The following UBAP2 variants were observed in gnomAD, a reference collection of about 807,000 sequenced individuals.
UBAP2 encodes the protein ubiquitin-associated protein 2.
UBAP2 carries 75 observed loss-of-function variants against 139.6 expected under a neutral mutation model. The ratio of observed to expected loss-of-function variants is 0.54; its 90% confidence interval spans 0.45 to 0.65. The LOEUF is 0.65. UBAP2 is among the 30% of genes least tolerant of loss of function. The pLI, the probability that UBAP2 is intolerant of heterozygous loss-of-function variation, is 0.00. For synonymous variants in UBAP2, 526 were observed against 526.2 expected, an observed-to-expected ratio of 1.00 and a Z score of 0.01; for missense variants, 1,368 against 1,369.6, an observed-to-expected ratio of 1.00 and a Z score of 0.02.
At chr9:33,963,302 T>C (rs1165532513) in intron 9 of UBAP2, among the ~76,000 whole-genome samples, 1 of 152,178 alleles carries the variant, frequency 6.6e-6, no homozygotes, top group Non-Finnish European at 1.5e-5. Context: ...AGACATTAAA[T>C]ACAGAAGGCA....
chr9:33,992,820 G>T (rs1246385556), intron 4 of UBAP2, among the ~76,000 whole-genome samples: 2 of 152,142 alleles, frequency 1.3e-5, no homozygotes, highest in Admixed American at 1.3e-4. Flanking sequence ...ATTTCCAAGA[G>T]AATTTCTGGC....
intron 1 of UBAP2, among the ~76,000 whole-genome samples, chr9:34,031,319 C>T (rs1046752625): frequency 6.6e-6 from 1 of 151,424 alleles, no homozygotes; most frequent in African/African-American, 2.4e-5. Flanking sequence ...CATGGCAAAA[C>T]CCCGTCTCTA....
intron 6 of UBAP2, among the ~76,000 whole-genome samples, chr9:33,978,248 C>T (rs1345780093): frequency 3.4e-4 from 52 of 151,832 alleles, no homozygotes; most frequent in Admixed American, 3.3e-3. Flanking sequence ...GAAATTTAAA[C>T]GTAAGCTGGG....
intron 1 of UBAP2, among the ~76,000 whole-genome samples, chr9:34,017,665 G>C (rs960030021): frequency 6.6e-6 from 1 of 152,106 alleles, no homozygotes; most frequent in South Asian, 2.1e-4. Flanking sequence ...GGTGGCTCAC[G>C]CCTGTAATCC....
At chr9:34,049,126 G>A (rs577656695), upstream of UBAP2, among the ~76,000 whole-genome samples, 13 of 152,350 alleles carry the variant, frequency 8.5e-5, no homozygotes, top group Admixed American at 5.9e-4. Flanking sequence ...TGTACTCGGA[G>A]TCATCAGGAG....
rs937943214 is a variant in UBAP2, at chr9:33,943,753, GA to G, written c.1546-165del. On this transcript the variant is annotated intron_variant, in intron 14 of 28. Transcript: ENST00000379238. ...GCTAAGACTTTTCTAAAAAGAGAAAGAAAAAAAACAAGCTAAGAAAAATTAA... is the reference window on the plus strand; with the variant it reads ...GCTAAGACTTTTCTAAAAAGAGAAAGAAAAAAACAAGCTAAGAAAAATTAA... Among the ~76,000 whole-genome samples, 9 of 151,720 alleles carry G rather than the reference GA, an allele frequency of 5.9e-5. No individual in the cohort carries two copies. In the East Asian group the frequency reaches 7.7e-4, roughly 13 times the overall value.
intron 4 of UBAP2, 53 bp downstream of exon 4, chr9:33,996,170 G>C: frequency 7.3e-7 from 1 of 1,360,592 alleles, no homozygotes; most frequent in Admixed American, 1.7e-5. Context: ...TTGAAAATGT[G>C]CTACGGAATT....
At position 33,922,582 on chromosome 9, in the gene UBAP2, G is replaced by A; in HGVS notation, c.3282C>T (p.Arg1094=). ...TGGGCTGCAGGGAGCTGGGCTGGCT[G>A]CGCTGACCCGAGCCACTCTGAGGAA... ...PQDAQSGSGQ[R]SQPSSLQPKS... The change falls in exon 29 of 29, where the codon CGC becomes CGT. Residue 1094 remains arginine (R), a synonymous_variant. Transcript: ENST00000379238. 6.2e-7 allele frequency: 1 copy of A among 1,613,342 alleles called. No homozygotes were observed. Among genetic ancestry groups the A allele is most frequent in the Non-Finnish European group, 8.5e-7 (1 of 1,179,756 alleles).
chr9:33,938,921 A>G (rs1824836722), intron 16 of UBAP2: 1 of 455,438 alleles, frequency 2.2e-6, no homozygotes, highest in Non-Finnish European at 4.4e-6. Context: ...TGAGAAGGTA[A>G]TTTTAATCTG....
Position 33,944,412 on chromosome 9 carries a change from G to C in UBAP2, c.1498C>G (p.Pro500Ala). ...CGCTTAGCAAGTTTGATGTGTTTGG[G>C]CTGTGGCTGGTGGACAGACACAGAG... The part of the protein sequence containing the change: ...NISVSVHQPQ[P>A]KHIKLAKRRI... The change falls in exon 14 of 29, where the codon CCC becomes GCC. Residue 500 changes from proline (P) to alanine (A), a missense_variant. Transcript: ENST00000379238. 6.2e-7 allele frequency: 1 copy of C among 1,614,180 alleles called. No individual in the cohort carries two copies. Among genetic ancestry groups the C allele is most frequent in the South Asian group, 1.1e-5 (1 of 91,086 alleles).
chr9:33,940,733 C>T (rs896019424), intron 16 of UBAP2, among the ~76,000 whole-genome samples: 4 of 152,154 alleles, frequency 2.6e-5, no homozygotes, highest in Admixed American at 2.0e-4. Context: ...GTGCTGTGAT[C>T]GCGCCACTGG....
intron 2 of UBAP2, among the ~76,000 whole-genome samples, chr9:34,007,644 TTTTA>T (rs1823347254): frequency 6.6e-6 from 1 of 151,230 alleles, no homozygotes; most frequent in Admixed American, 6.6e-5. Context: ...TATGTTTTAT[TTTTA>T]TTTTTTTTGA....
At chr9:33,930,624 G>A (rs937327918) in intron 19 of UBAP2, among the ~76,000 whole-genome samples, 11 of 152,026 alleles carry the variant, frequency 7.2e-5, no homozygotes, top group African/African-American at 1.2e-4. Context: ...ATGGCCGGGC[G>A]CGGTGGTTCA....
intron 1 of UBAP2, among the ~76,000 whole-genome samples, chr9:34,019,394 C>T (rs545256218): frequency 2.0e-5 from 3 of 152,052 alleles, no homozygotes; most frequent in Non-Finnish European, 2.9e-5. Flanking sequence ...CAGAGCAAAA[C>T]TCTCGGGGCA....
At position 33,927,905 on chromosome 9, in the gene UBAP2, C is replaced by T; in HGVS notation, c.2263G>A (p.Gly755Ser). ...ATSVSSSASS[G>S]ASLSSSMNTA... Reference sequence around the variant, plus strand: ...TTCATGCTACTGGACAGGCTGGCGCCTGAGGATGCGGAACTTGAGACGGAG... The same window carrying T: ...TTCATGCTACTGGACAGGCTGGCGCTTGAGGATGCGGAACTTGAGACGGAG... The change falls in exon 20 of 29, where the codon GGC (glycine) becomes AGC (serine). Residue 755 changes from glycine to serine, a missense_variant. By Grantham distance (56) the Gly-to-Ser change is moderately conservative. Coordinates refer to ENST00000379238, the MANE Select transcript of UBAP2 (RefSeq NM_001370062.2). The T allele has an allele frequency of 6.2e-7, 1 of 1,614,210 alleles. No individual in the cohort carries two copies. Among genetic ancestry groups the T allele is most frequent in the Non-Finnish European group, 8.5e-7 (1 of 1,180,022 alleles).
At chr9:33,957,376 A>C (rs145745810) in intron 10 of UBAP2, among the ~76,000 whole-genome samples, 2,011 of 152,270 alleles carry the variant, frequency 0.013, 25 homozygotes, top group Non-Finnish European at 0.021. Context: ...TTACTCCCCC[A>C]CAATTTCCAC....
chr9:33,960,755 G>C (rs1826981089), intron 10 of UBAP2, 71 bp downstream of exon 10: 1 of 1,484,640 alleles, frequency 6.7e-7, no homozygotes, highest in Admixed American at 1.8e-5. Context: ...ATTCCAGCCT[G>C]GGCAACAAAA....
intron 13 of UBAP2, among the ~76,000 whole-genome samples, chr9:33,945,533 A>G (rs1324073911): frequency 6.6e-6 from 1 of 152,130 alleles, no homozygotes; most frequent in Non-Finnish European, 1.5e-5. Flanking sequence ...AGATACAAGA[A>G]TATGTATGAC....
chr9:34,006,013 T>G (rs1823176406), intron 2 of UBAP2, among the ~76,000 whole-genome samples: 1 of 151,936 alleles, frequency 6.6e-6, no homozygotes, highest in African/African-American at 2.4e-5. Flanking sequence ...GGCAGATCAC[T>G]TGAGGTCAGG....
Sources: gnomAD v4.1 joint callset for allele counts (sites outside exome capture counted in the v4.1 genomes callset) on GRCh38, gnomAD v4.1.1 for gene constraint, MANE v1.5 for transcripts, NCBI Gene and HGNC (gene_info 2026-07-23, HGNC 2026-07-21) for gene names.